Variants in MSRA observed in about 807,000 individuals in gnomAD.
The protein encoded by MSRA is mitochondrial peptide methionine sulfoxide reductase.
MSRA carries 54 observed loss-of-function variants against 31.3 expected under a neutral mutation model. That is an observed-to-expected ratio of 1.73 (90% CI 1.39 to 2.17). The LOEUF (loss-of-function observed/expected upper bound fraction) is 2.17. Ranked by LOEUF, MSRA falls within the 30% of genes most tolerant of loss-of-function variation. MSRA has a pLI of 0.00. For synonymous variants in MSRA, 169 were observed against 116.5 expected (o/e 1.45, Z -2.90); for missense variants, 507 against 300.9 (o/e 1.69, Z -5.07).
At chr8:10,284,999 TG>T (rs1799857015) in intron 3 of MSRA, among the ~76,000 whole-genome samples, 1 of 146,600 alleles carries the variant, frequency 6.8e-6, no homozygotes, top group Admixed American at 7.1e-5. Context: ...TAGATTTTCA[TG>T]ACTTCCTCCC....
At chr8:10,112,175 T>G (rs747817139) in intron 1 of MSRA, among the ~76,000 whole-genome samples, 1 of 152,154 alleles carries the variant, frequency 6.6e-6, no homozygotes, top group Non-Finnish European at 1.5e-5. Flanking sequence ...AAAGAGCAAC[T>G]CACCACAATC....
chr8:10,233,852 T>C (rs1422118050), intron 2 of MSRA, among the ~76,000 whole-genome samples: 2 of 152,096 alleles, frequency 1.3e-5, no homozygotes, highest in Non-Finnish European at 2.9e-5. Flanking sequence ...CTAAGCAAGA[T>C]AAATAAAAAT....
intron 5 of MSRA, among the ~76,000 whole-genome samples, chr8:10,370,884 C>T (rs957873626): frequency 1.3e-5 from 2 of 152,188 alleles, no homozygotes. Flanking sequence ...GCCAATGTTG[C>T]CATGGAGAGA....
intron 4 of MSRA, among the ~76,000 whole-genome samples, chr8:10,318,727 G>A (rs1389956147): frequency 6.6e-6 from 1 of 152,176 alleles, no homozygotes; most frequent in African/African-American, 2.4e-5. Context: ...CTGGATGTTG[G>A]TTCTTTCTTC....
intron 3 of MSRA, chr8:10,250,514 A>T (rs1313557557): frequency 1.4e-6 from 1 of 699,430 alleles, no homozygotes; most frequent in African/African-American, 1.7e-5. Context: ...GCATGAAAGG[A>T]GCTGCACAAC....
chr8:10,094,872 C>A (rs1372193642), intron 1 of MSRA, among the ~76,000 whole-genome samples: 1 of 152,186 alleles, frequency 6.6e-6, no homozygotes, highest in Non-Finnish European at 1.5e-5. Flanking sequence ...AAGATACTTG[C>A]TGTTATTAAA....
chr8:10,128,018 G>T (rs1801624618), intron 1 of MSRA, among the ~76,000 whole-genome samples: 1 of 151,904 alleles, frequency 6.6e-6, no homozygotes. Flanking sequence ...TGCATTTCCA[G>T]AGAGGAGAAC....
At chr8:10,062,612 A>G (rs367737636) in intron 1 of MSRA, among the ~76,000 whole-genome samples, 1 of 152,316 alleles carries the variant, frequency 6.6e-6, no homozygotes, top group East Asian at 1.9e-4. Context: ...CATGTTATGT[A>G]TTATGGCACA....
intron 5 of MSRA, among the ~76,000 whole-genome samples, chr8:10,411,846 C>G (rs1808176969): frequency 6.6e-6 from 1 of 152,246 alleles, no homozygotes. Flanking sequence ...GCCAGCAGCT[C>G]CTAGCTAGGT....
At chr8:10,073,404 C>T (rs149470677) in intron 1 of MSRA, among the ~76,000 whole-genome samples, 2 of 152,308 alleles carry the variant, frequency 1.3e-5, no homozygotes, top group East Asian at 3.9e-4. Flanking sequence ...TTTTCTGTGT[C>T]TGCGTTCTCA....
At chr8:10,264,428 T>A (rs894453256) in intron 3 of MSRA, among the ~76,000 whole-genome samples, 1 of 152,218 alleles carries the variant, frequency 6.6e-6, no homozygotes, top group Non-Finnish European at 1.5e-5. Context: ...TTTTCAGAAG[T>A]TTAGCATTGA....
At chr8:10,244,880 A>G (rs1338605708) in intron 2 of MSRA, among the ~76,000 whole-genome samples, 2 of 152,204 alleles carry the variant, frequency 1.3e-5, no homozygotes, top group Non-Finnish European at 2.9e-5. Context: ...AAGTTTTTGC[A>G]CAGCTAAAGC....
chr8:10,283,836 T>TATATACACACACACACACACACAC (rs1261287031), intron 3 of MSRA, among the ~76,000 whole-genome samples: 3 of 53,162 alleles, frequency 5.6e-5, no homozygotes, highest in African/African-American at 8.7e-5. Flanking sequence ...TATATATATA[T>TATATACACACACACACACACACAC]ACACACACAC....
intron 2 of MSRA, among the ~76,000 whole-genome samples, chr8:10,227,194 G>C (rs936931238): frequency 6.6e-6 from 1 of 152,138 alleles, no homozygotes; most frequent in Non-Finnish European, 1.5e-5. Flanking sequence ...GCTTGGTGAC[G>C]ACGAGGCCCG....
chr8:10,121,461 C>T (rs546021276), intron 1 of MSRA, among the ~76,000 whole-genome samples: 1 of 152,242 alleles, frequency 6.6e-6, no homozygotes, highest in East Asian at 1.9e-4. Context: ...AAAATAGTTG[C>T]TTAGAGCGAT....
At chr8:10,057,428 C>G (rs1447829246) in intron 1 of MSRA, among the ~76,000 whole-genome samples, 1 of 152,174 alleles carries the variant, frequency 6.6e-6, no homozygotes, top group Non-Finnish European at 1.5e-5. Context: ...GTAGAAGGCT[C>G]ATAATTAAAA....
At chr8:10,090,563 A>AT in intron 1 of MSRA, among the ~76,000 whole-genome samples, 1 of 152,196 alleles carries the variant, frequency 6.6e-6, no homozygotes, top group East Asian at 1.9e-4. Context: ...AAAACTTGTC[A>AT]TTTTATTATG....
intron 2 of MSRA, among the ~76,000 whole-genome samples, chr8:10,244,672 A>G (rs1293496353): frequency 6.6e-6 from 1 of 152,220 alleles, no homozygotes; most frequent in Non-Finnish European, 1.5e-5. Context: ...GGAAGTTTTC[A>G]CATTAAAATG....
At chr8:10,364,332 G>T (rs1039861720) in intron 5 of MSRA, among the ~76,000 whole-genome samples, 2 of 152,166 alleles carry the variant, frequency 1.3e-5, no homozygotes, top group Non-Finnish European at 1.5e-5. Context: ...GGCTCCTGGG[G>T]CGTCAAAGGT....
Sources: gnomAD v4.1 joint callset for allele counts (sites outside exome capture counted in the v4.1 genomes callset) on GRCh38, gnomAD v4.1.1 for gene constraint, MANE v1.5 for transcripts, NCBI Gene and HGNC (gene_info 2026-07-23, HGNC 2026-07-21) for gene names.